The following VAPB variants were observed in gnomAD, a reference collection of about 807,000 sequenced individuals.
VAPB encodes the protein VAMP associated protein B and C, also known as vesicle-associated membrane protein-associated protein B/C.
Under a neutral mutation model 25.6 loss-of-function variants are expected in VAPB, and 7 were observed. The ratio of observed to expected loss-of-function variants is 0.27; its 90% CI spans 0.16 to 0.51. The LOEUF is 0.51. Ranked by LOEUF, VAPB falls within the 20% of genes least tolerant of loss-of-function variation. VAPB has a pLI of 0.97. For synonymous variants in VAPB, 112 were observed against 109.2 expected (o/e 1.03, Z -0.16); for missense variants, 266 against 301.3 (o/e 0.88, Z 0.87).
chr20:58,421,445 C>T (rs1329648809), intron 2 of VAPB, among the ~76,000 whole-genome samples: 1 of 152,166 alleles, frequency 6.6e-6, no homozygotes, highest in Non-Finnish European at 1.5e-5. Context: ...TGTGTTTTCT[C>T]TTCCTTGTGT....
In VAPB at chr20:58,439,030, G is replaced by A; in HGVS notation, c.396+5G>A. 1 of 1,609,418 alleles carries A rather than the reference G, an allele frequency of 6.2e-7. No individual in the cohort carries two copies. On this transcript the variant is annotated splice_donor_5th_base_variant and intron_variant, in intron 4 of 5. Transcript: ENST00000475243. The stretch of plus-strand genomic sequence containing the variant: ...CCAGCAGAGAATGATAAACCAGTAA[G>A]TATATTTATAGTTAACAATAATTGA...
At chr20:58,427,680 G>C (rs1369536379) in intron 2 of VAPB, among the ~76,000 whole-genome samples, 1 of 150,750 alleles carries the variant, frequency 6.6e-6, no homozygotes, top group Non-Finnish European at 1.5e-5. Flanking sequence ...TCTGTGATCT[G>C]TTACCATTAT....
At chr20:58,435,424 G>C (rs1031216968) in intron 3 of VAPB, among the ~76,000 whole-genome samples, 1 of 152,162 alleles carries the variant, frequency 6.6e-6, no homozygotes, top group Non-Finnish European at 1.5e-5. Flanking sequence ...GGACAGATGC[G>C]CTTGTCCTTA....
chr20:58,443,058 T>A (rs184908262), intron 5 of VAPB, among the ~76,000 whole-genome samples: 1 of 152,262 alleles, frequency 6.6e-6, no homozygotes, highest in African/African-American at 2.4e-5. Context: ...GCATCATAGA[T>A]CTACATAGTA....
Position 58,445,706 on chromosome 20 carries a change from G to A in VAPB, c.*1471G>A, listed in dbSNP as rs1170737662. 7.6e-6 allele frequency: 3 copies of A among 392,254 alleles called. No individual in the cohort carries two copies. The East Asian group carries it at 2.4e-4, about 32-fold the overall frequency. The allele number at this position is 392,254 out of a possible 1,614,324, so 24.3% of individuals were successfully genotyped here. A position where few individuals can be genotyped will look rare whatever the true frequency, so the allele number is the denominator to read the frequency against. ...ACTCTGTGTGTGTGTGTGTGTGTGTGTGTGTGTGTGTGTGTATTTTTTTTT... is the reference window on the plus strand; with the variant it reads ...ACTCTGTGTGTGTGTGTGTGTGTGTATGTGTGTGTGTGTGTATTTTTTTTT... On this transcript the variant is annotated 3_prime_UTR_variant, in exon 6 of 6. Transcript: ENST00000475243.
chr20:58,395,462 A>G (rs1182537272), intron 1 of VAPB, among the ~76,000 whole-genome samples: 2 of 152,144 alleles, frequency 1.3e-5, no homozygotes, highest in African/African-American at 4.8e-5. Flanking sequence ...AGTGTCTTAT[A>G]TATCCCCACT....
At chr20:58,409,904 TACACACACACACAC>T (rs34649242) in intron 1 of VAPB, among the ~76,000 whole-genome samples, 3 of 148,134 alleles carry the variant, frequency 2.0e-5, no homozygotes, top group Admixed American at 6.8e-5. Context: ...TTTATTCATA[TACACACACACACAC>T]ACACACACAC....
rs1237948523 is a variant in VAPB, at chr20:58,446,112, G to A, written c.*1877G>A. 6.6e-6 allele frequency: 3 copies of A among 453,930 alleles called. No homozygotes were observed. The highest frequency in any genetic ancestry group is 6.0e-5 in the African/African-American group (3 of 49,970). The allele number at this position is 453,930 out of a possible 1,614,324, so 28.1% of individuals were successfully genotyped here. ...AATCCCAGGTACTCACAGAAATGGT[G>A]AACAGACTTAGTTGTTACCCAGGCA... On this transcript the variant is annotated 3_prime_UTR_variant, in exon 6 of 6. Transcript: ENST00000475243.
intron 1 of VAPB, among the ~76,000 whole-genome samples, chr20:58,403,012 AAAAC>A (rs1380792693): frequency 6.6e-6 from 1 of 152,084 alleles, no homozygotes; most frequent in Non-Finnish European, 1.5e-5. Flanking sequence ...CTCAAAAACA[AAAAC>A]AAAGCTGAGA....
At chr20:58,431,653 C>T (rs1988931410) in intron 2 of VAPB, 1 of 152,078 alleles carries the variant, frequency 6.6e-6, no homozygotes, top group African/African-American at 2.4e-5. Context: ...TCTCTGCAGC[C>T]TCCATCTCCC....
chr20:58,416,845 A>C (rs1440131332), intron 1 of VAPB, among the ~76,000 whole-genome samples: 1 of 151,898 alleles, frequency 6.6e-6, no homozygotes, highest in Non-Finnish European at 1.5e-5. Flanking sequence ...TAATCCACAC[A>C]CAGGTAGTTT....
intron 1 of VAPB, among the ~76,000 whole-genome samples, chr20:58,403,035 A>G (rs887206972): frequency 2.0e-5 from 3 of 151,586 alleles, no homozygotes; most frequent in African/African-American, 4.9e-5. Context: ...GAAAGGAGAG[A>G]GGGGGGAAGA....
chr20:58,447,816 CCTT>C lies in VAPB; in HGVS notation c.*3584_*3586del, dbSNP rs1989332810. ...ACAATGTTATATGTCATTTTCAGCTCCTTCTCTAAAGGAATGGCCCATTTCTCA... is the reference window on the plus strand; with the variant it reads ...ACAATGTTATATGTCATTTTCAGCTCCTCTAAAGGAATGGCCCATTTCTCA... On this transcript the variant is annotated 3_prime_UTR_variant, in exon 6 of 6. Transcript: ENST00000475243. 1 of 453,928 alleles carries C rather than the reference CCTT, an allele frequency of 2.2e-6. No homozygotes were observed. Among genetic ancestry groups the C allele is most frequent in the Admixed American group, 2.3e-5 (1 of 42,560 alleles). 28.1% of individuals were successfully genotyped at this position (453,928 alleles called of 1,614,324 possible). A position where few individuals can be genotyped will look rare whatever the true frequency, so the allele number is the denominator to read the frequency against.
intron 2 of VAPB, among the ~76,000 whole-genome samples, chr20:58,419,392 C>T (rs982722992): frequency 6.6e-6 from 1 of 152,210 alleles, no homozygotes; most frequent in Non-Finnish European, 1.5e-5. Flanking sequence ...CCCTGTGCTT[C>T]TCTTGAGTCT....
At chr20:58,401,743 C>T (rs369628219) in intron 1 of VAPB, among the ~76,000 whole-genome samples, 301 of 152,332 alleles carry the variant, frequency 2.0e-3, no homozygotes, top group Non-Finnish European at 3.4e-3. Flanking sequence ...TCGCTTCTAA[C>T]GTCACTTATG....
At chr20:58,407,115 AATGT>A (rs1178933163) in intron 1 of VAPB, among the ~76,000 whole-genome samples, 2 of 152,200 alleles carry the variant, frequency 1.3e-5, no homozygotes, top group African/African-American at 4.8e-5. Context: ...ATATAGATAG[AATGT>A]ATGAAGCCTC....
At position 58,422,649 on chromosome 20, in the gene VAPB, T is replaced by A. The variant is rs569852805; in HGVS notation, c.211+4286T>A. Among the ~76,000 whole-genome samples, 3 of 152,190 alleles carry A rather than the reference T, an allele frequency of 2.0e-5. No homozygotes were observed. The South Asian group carries it at 6.2e-4, about 32-fold the overall frequency. On this transcript the variant is annotated intron_variant, in intron 2 of 5. Transcript: ENST00000475243. ...GCTTCAGTTAATAATGAGGGAGTTT[T>A]CCATTAATATTCCAAACCATGTTTG... is the stretch of plus-strand genomic sequence containing the variant.
intron 2 of VAPB, among the ~76,000 whole-genome samples, chr20:58,426,418 A>T (rs533358079): frequency 3.5e-4 from 54 of 152,280 alleles, no homozygotes; most frequent in Non-Finnish European, 6.9e-4. Context: ...GTATATTGAC[A>T]TGTGAGTAGG....
rs1165938865 is a variant in VAPB, at chr20:58,417,773, A to T, written c.59-438A>T. The stretch of plus-strand genomic sequence containing the variant: ...CATTTTGGAATGAGTTTAGTCCTTT[A>T]CGCTCTCCCTGTTAGATTTCATATT... On this transcript the variant is annotated intron_variant, in intron 1 of 5. Transcript: ENST00000475243. 2.6e-5 allele frequency among the ~76,000 whole-genome samples: 4 copies of T among 152,142 alleles called. No homozygotes were observed. The East Asian group carries it at 7.7e-4, about 29-fold the overall frequency.
Sources: allele counts gnomAD v4.1 joint callset (sites outside exome capture counted in the v4.1 genomes callset), GRCh38; gene constraint gnomAD v4.1.1; transcripts MANE v1.5; gene names NCBI Gene and HGNC (gene_info 2026-07-23, HGNC 2026-07-21).